The following GPC5 variants were observed in gnomAD, a reference collection of about 807,000 sequenced individuals.
GPC5 encodes the protein glypican-5.
Under a neutral mutation model 53.9 loss-of-function variants are expected in GPC5, and 47 were observed. The observed-to-expected ratio is 0.87, with a 90% CI of 0.69 to 1.11. The LOEUF is 1.11. GPC5 is among the 50% of genes most tolerant of loss of function. The probability of loss-of-function intolerance (pLI) is 0.00; values close to 1 mark genes in which losing one functional copy is unlikely to be tolerated. For synonymous variants in GPC5, 286 were observed against 263.3 expected (o/e 1.09, Z -0.84); for missense variants, 748 against 713.1 (o/e 1.05, Z -0.56).
At chr13:92,355,936 A>G (rs972351441) in intron 7 of GPC5, among the ~76,000 whole-genome samples, 2 of 92,730 alleles carry the variant, frequency 2.2e-5, no homozygotes, top group Admixed American at 1.3e-4. Context: ...TCATTATTTT[A>G]CTTAGACTCA....
At chr13:91,725,990 C>T (rs1156239114) in intron 3 of GPC5, among the ~76,000 whole-genome samples, 1 of 152,190 alleles carries the variant, frequency 6.6e-6, no homozygotes, top group African/African-American at 2.4e-5. Flanking sequence ...TAATCTTACT[C>T]TATCCACTTA....
At chr13:91,560,307 G>T (rs947071403) in intron 2 of GPC5, among the ~76,000 whole-genome samples, 2 of 152,132 alleles carry the variant, frequency 1.3e-5, no homozygotes, top group Non-Finnish European at 2.9e-5. Context: ...CATTGGTGAG[G>T]ATAGTACCTT....
intron 2 of GPC5, among the ~76,000 whole-genome samples, chr13:91,543,097 C>T (rs13378261): frequency 0.011 from 1,645 of 152,144 alleles, 30 homozygotes; most frequent in African/African-American, 0.038. Context: ...ACCTCGTAAT[C>T]GGCCCTCCTG....
At chr13:92,178,735 G>A (rs937539186) in intron 7 of GPC5, among the ~76,000 whole-genome samples, 17 of 152,096 alleles carry the variant, frequency 1.1e-4, no homozygotes, top group Non-Finnish European at 1.5e-4. Context: ...CCAGCACTTT[G>A]GGAAGCCAAG....
chr13:92,679,881 AC>A (rs1247280231), intron 7 of GPC5, among the ~76,000 whole-genome samples: 2 of 111,532 alleles, frequency 1.8e-5, no homozygotes, highest in Non-Finnish European at 3.7e-5. Flanking sequence ...TCCTCTCTCC[AC>A]CCCCCCACCC....
At chr13:92,119,806 T>A (rs1241284968) in intron 6 of GPC5, among the ~76,000 whole-genome samples, 4 of 152,016 alleles carry the variant, frequency 2.6e-5, no homozygotes, top group African/African-American at 9.7e-5. Context: ...TTTTTAGTTT[T>A]GTGTCATTTT....
intron 2 of GPC5, among the ~76,000 whole-genome samples, chr13:91,626,984 A>G (rs1417707528): frequency 8.1e-6 from 1 of 123,576 alleles, no homozygotes. Context: ...CCATGTCCCT[A>G]CAAAGGACAT....
intron 6 of GPC5, among the ~76,000 whole-genome samples, chr13:92,144,558 G>A (rs1243197362): frequency 1.2e-4 from 18 of 152,144 alleles, no homozygotes; most frequent in Admixed American, 1.2e-3. Flanking sequence ...ACTGCCATAA[G>A]CAAAGAAGGT....
chr13:92,403,735 C>T (rs886140921), intron 7 of GPC5, among the ~76,000 whole-genome samples: 31 of 152,168 alleles, frequency 2.0e-4, no homozygotes, highest in African/African-American at 7.2e-4. Context: ...AGTGAGTAGA[C>T]GAGAAGATGT....
chr13:92,468,793 G>A (rs1205046826), intron 7 of GPC5, among the ~76,000 whole-genome samples: 6 of 152,062 alleles, frequency 3.9e-5, no homozygotes, highest in Non-Finnish European at 8.8e-5. Context: ...CTCTAGCCAA[G>A]AATTTCCCAC....
chr13:91,656,112 A>G (rs2034839327), intron 2 of GPC5, among the ~76,000 whole-genome samples: 1 of 152,110 alleles, frequency 6.6e-6, no homozygotes, highest in South Asian at 2.1e-4. Flanking sequence ...TACTTTTACT[A>G]ACTGGTTTGA....
At chr13:92,844,453 G>A (rs556540948) in intron 7 of GPC5, among the ~76,000 whole-genome samples, 54 of 152,200 alleles carry the variant, frequency 3.5e-4, no homozygotes, top group South Asian at 6.2e-4. Context: ...TCTGGCAGAA[G>A]ACTTAACCGG....
chr13:91,759,388 A>G (rs1017186999), intron 5 of GPC5, among the ~76,000 whole-genome samples: 2 of 152,102 alleles, frequency 1.3e-5, no homozygotes, highest in African/African-American at 4.8e-5. Context: ...CATTCCAATT[A>G]TACTTTTAGT....
At chr13:92,354,028 A>C (rs2043502026) in intron 7 of GPC5, among the ~76,000 whole-genome samples, 1 of 152,206 alleles carries the variant, frequency 6.6e-6, no homozygotes, top group Non-Finnish European at 1.5e-5. Context: ...AAGTTAATAA[A>C]TCTGTCTTTG....
chr13:91,582,808 T>C (rs1419988324), intron 2 of GPC5, among the ~76,000 whole-genome samples: 1 of 152,064 alleles, frequency 6.6e-6, no homozygotes, highest in Non-Finnish European at 1.5e-5. Context: ...AGGTCAGGTG[T>C]TCGAGGCCAG....
In GPC5 at chr13:91,756,330, T is replaced by G. The variant is rs762766112; in HGVS notation, c.1190T>G (p.Phe397Cys). Reference sequence around the variant, plus strand: ...AACAGCCTTCGACTGTACAGGTCATTCTATGGAGGTCTAGCTGATCAGCTT... The same window carrying G: ...AACAGCCTTCGACTGTACAGGTCATGCTATGGAGGTCTAGCTGATCAGCTT... ...FINSLRLYRS[F>C]YGGLADQLCA... The change falls in exon 5 of 8, where the codon TTC becomes TGC. Residue 397 changes from phenylalanine to cysteine, a missense_variant. Physicochemically the swap from Phe to Cys is radical, Grantham distance 205. Coordinates refer to ENST00000377067, the MANE Select transcript of GPC5 (RefSeq NM_004466.6). 3.8e-6 allele frequency: 6 copies of G among 1,585,668 alleles called. 1 individual carries two copies. In the South Asian group the frequency reaches 6.8e-5, roughly 18 times the overall value.
chr13:92,811,846 G>A (rs913140909), intron 7 of GPC5, among the ~76,000 whole-genome samples: 4 of 151,904 alleles, frequency 2.6e-5, no homozygotes, highest in Admixed American at 6.6e-5. Flanking sequence ...CCCCAGCAAT[G>A]TCTGTTGAAG....
chr13:92,603,707 T>A (rs1884159102), intron 7 of GPC5, among the ~76,000 whole-genome samples: 1 of 152,196 alleles, frequency 6.6e-6, no homozygotes, highest in Admixed American at 6.5e-5. Context: ...TATGTCTCTC[T>A]TGTGTTACAT....
chr13:92,218,655 G>T (rs1357541758), intron 7 of GPC5, among the ~76,000 whole-genome samples: 4 of 151,998 alleles, frequency 2.6e-5, no homozygotes, highest in Admixed American at 2.6e-4. Flanking sequence ...GAAAAATTTG[G>T]TGCTGTATGA....
Sources: allele counts gnomAD v4.1 joint callset (sites outside exome capture counted in the v4.1 genomes callset), GRCh38; gene constraint gnomAD v4.1.1; transcripts MANE v1.5; gene names NCBI Gene and HGNC (gene_info 2026-07-23, HGNC 2026-07-21).